MIGA1: variants seen among roughly 807,000 people sequenced by gnomAD.
The protein encoded by MIGA1 is family with sequence similarity 73, member A.
MIGA1 carries 58 observed loss-of-function variants against 82.0 expected under a neutral mutation model. The ratio of observed to expected loss-of-function variants is 0.71; its 90% CI spans 0.57 to 0.88. The LOEUF is 0.88. Ranked by LOEUF, MIGA1 falls within the 40% of genes least tolerant of loss-of-function variation. MIGA1 has a pLI of 0.00. For missense variants in MIGA1, 751 were observed against 749.1 expected, an observed-to-expected ratio of 1.00 and a Z score of -0.03; for synonymous variants, 249 against 253.6, an observed-to-expected ratio of 0.98 and a Z score of 0.17.
chr1:77,866,363 T>G lies in MIGA1; in HGVS notation c.1535T>G (p.Val512Gly). The change falls in exon 14 of 16, where the codon GTG becomes GGG. Residue 512 changes from valine to glycine, a missense_variant. Val to Gly is a moderately radical substitution (Grantham distance 109, BLOSUM62 -3). Transcript: ENST00000370791. ...GCTGTGGCTTCAAGTTGTTGGTCGG[T>G]GCTGAAACAGAAAAGACAACAGATG... The G allele has an allele frequency of 1.2e-6, 2 of 1,614,140 alleles. No individual in the cohort carries two copies. Among genetic ancestry groups the G allele is most frequent in the South Asian group, 2.2e-5 (2 of 91,080 alleles).
chr1:77,837,776 G>A (rs1461316198), intron 7 of MIGA1, among the ~76,000 whole-genome samples: 2 of 152,138 alleles, frequency 1.3e-5, no homozygotes, highest in South Asian at 2.1e-4. Flanking sequence ...AAATAGCAAA[G>A]TAAGGTTGCA....
chr1:77,870,958 C>T (rs1285300039), intron 14 of MIGA1, among the ~76,000 whole-genome samples: 1 of 150,252 alleles, frequency 6.7e-6, no homozygotes. Context: ...TGGCGGTGCG[C>T]GCCTGCAGTC....
At position 77,783,308 on chromosome 1, in the gene MIGA1, GAGTGTTTGATCTTCCTCTGAC is replaced by G; in HGVS notation, c.153_173del (p.Arg51_Thr58delinsSer). Reference sequence around the variant, plus strand: ...TTTTCCTTGAAGACAGCAGCGCTAAGAGTGTTTGATCTTCCTCTGACTTGGTACTATTCTCTCTCCCAGGTA... The same window carrying G: ...TTTTCCTTGAAGACAGCAGCGCTAAGTTGGTACTATTCTCTCTCCCAGGTA... On this transcript the variant is annotated inframe_deletion, in exon 2 of 16. Coordinates refer to ENST00000370791, the MANE Select transcript of MIGA1 (RefSeq NM_198549.4). 1 of 1,603,896 alleles carries G rather than the reference GAGTGTTTGATCTTCCTCTGAC, an allele frequency of 6.2e-7. No homozygotes were observed. The highest frequency in any genetic ancestry group is 8.5e-7 in the Non-Finnish European group (1 of 1,173,034).
rs752875500 is a variant in MIGA1, at chr1:77,779,723, G to T, written c.68G>T (p.Gly23Val). 5 of 1,573,512 alleles carry T rather than the reference G, an allele frequency of 3.2e-6. No homozygotes were observed. The highest frequency in any genetic ancestry group is 1.8e-5 in the Admixed American group (1 of 54,134). ...GGCGTGGGCAGGCCAGCTGTACCTG[G>T]CCTGGAGCTCCAGGTACAGGGCCAG... Residue 23 changes from glycine (G) to valine (V), a missense_variant, in exon 1 of 16, where the codon GGC becomes GTC. By Grantham distance (109) the Gly-to-Val change is moderately radical. Coordinates refer to ENST00000370791, the MANE Select transcript of MIGA1 (RefSeq NM_198549.4).
intron 15 of MIGA1, among the ~76,000 whole-genome samples, chr1:77,873,510 A>G (rs1253683376): frequency 1.3e-5 from 2 of 152,198 alleles, no homozygotes; most frequent in Admixed American, 6.5e-5. Flanking sequence ...TTTATTGCAC[A>G]TGTGGTAATA....
At chr1:77,827,743 C>CCTGGTTAATTGCATGCAG (rs1684087383) in intron 7 of MIGA1, among the ~76,000 whole-genome samples, 1 of 152,158 alleles carries the variant, frequency 6.6e-6, no homozygotes, top group Non-Finnish European at 1.5e-5. Flanking sequence ...TTTTCCTCTA[C>CCTGGTTAATTGCATGCAG]CTGGTTAATT....
In MIGA1 at chr1:77,875,172, G is replaced by A; in HGVS notation, c.*108G>A. ...AACAGAATTGATGCATGTGGATTCAGGGAGGAAAAAAAAATCTACTAAAAA... is the reference window on the plus strand; with the variant it reads ...AACAGAATTGATGCATGTGGATTCAAGGAGGAAAAAAAAATCTACTAAAAA... On this transcript the variant is annotated 3_prime_UTR_variant, in exon 16 of 16. Transcript: ENST00000370791. 3 of 869,674 alleles carry A rather than the reference G, an allele frequency of 3.4e-6. No individual in the cohort carries two copies. The highest frequency in any genetic ancestry group is 1.7e-5 in the African/African-American group (1 of 58,482). The allele number at this position is 869,674 out of a possible 1,614,324, so 53.9% of individuals were successfully genotyped here. A position where few individuals can be genotyped will look rare whatever the true frequency, so the allele number is the denominator to read the frequency against.
At position 77,873,131 on chromosome 1, in the gene MIGA1, T is replaced by G; in HGVS notation, c.1680+11T>G. On this transcript the variant is annotated intron_variant, in intron 15 of 15. Transcript: ENST00000370791. ...TGTTGCTTTTTTAAGGTATGTTCAG[T>G]CATTGAATCATTTCTCTTTTTTTTC... 6.2e-7 allele frequency: 1 copy of G among 1,600,288 alleles called. No homozygotes were observed. The highest frequency in any genetic ancestry group is 1.1e-5 in the South Asian group (1 of 88,628).
At chr1:77,850,914 G>A (rs1211784119) in intron 8 of MIGA1, among the ~76,000 whole-genome samples, 1 of 151,724 alleles carries the variant, frequency 6.6e-6, no homozygotes, top group Non-Finnish European at 1.5e-5. Context: ...TTGTCACCCA[G>A]GCTGGAGTGC....
Position 77,873,172 on chromosome 1 carries a change from A to G in MIGA1, c.1680+52A>G, listed in dbSNP as rs372045436. On this transcript the variant is annotated intron_variant, in intron 15 of 15. Transcript: ENST00000370791. Reference sequence around the variant, plus strand: ...CTTTTTTTTCTAAATCAAAAAGGAGATACGGTTTTATTCTGTTTTGTTTTG... The same window carrying G: ...CTTTTTTTTCTAAATCAAAAAGGAGGTACGGTTTTATTCTGTTTTGTTTTG... 10 of 1,527,964 alleles carry G rather than the reference A, an allele frequency of 6.5e-6. No individual in the cohort carries two copies. In the African/African-American group the frequency reaches 1.1e-4, roughly 17 times the overall value. 94.7% of individuals were successfully genotyped at this position (1,527,964 alleles called of 1,614,324 possible).
chr1:77,833,702 G>C (rs1249848603), intron 7 of MIGA1, among the ~76,000 whole-genome samples: 1 of 152,244 alleles, frequency 6.6e-6, no homozygotes, highest in Non-Finnish European at 1.5e-5. Context: ...TCCTGTGGCA[G>C]GGGACCTTTG....
chr1:77,849,907 C>T (rs955958181), intron 8 of MIGA1, among the ~76,000 whole-genome samples: 1 of 151,958 alleles, frequency 6.6e-6, no homozygotes, highest in African/African-American at 2.4e-5. Flanking sequence ...TGGTGGCACA[C>T]GCCTGTAATC....
chr1:77,779,682 C>T lies in MIGA1; in HGVS notation c.27C>T (p.Gly9=). 1.3e-6 allele frequency: 2 copies of T among 1,586,758 alleles called. No homozygotes were observed. Among genetic ancestry groups the T allele is most frequent in the Non-Finnish European group, 1.7e-6 (2 of 1,166,340 alleles). ...TGTCAGACTGCTGCTCAGCGCCAGG[C>T]ATCAGCTGGGAAGCTGGCGTGGGCA... Residue 9 remains glycine (G), a synonymous_variant, in exon 1 of 16, where the codon GGC becomes GGT. Transcript: ENST00000370791.
chr1:77,829,795 T>G (rs1175715093), intron 7 of MIGA1, among the ~76,000 whole-genome samples: 2 of 151,966 alleles, frequency 1.3e-5, no homozygotes, highest in Admixed American at 6.6e-5. Context: ...AAATGTATTT[T>G]ATTGTTTTGT....
intron 1 of MIGA1, chr1:77,783,023 T>A: frequency 3.3e-6 from 1 of 300,934 alleles, no homozygotes; most frequent in Non-Finnish European, 4.9e-6. Context: ...TTTTTTAACT[T>A]CTTATTTTTT....
At chr1:77,781,792 A>C (rs993000508) in intron 1 of MIGA1, among the ~76,000 whole-genome samples, 6 of 152,188 alleles carry the variant, frequency 3.9e-5, no homozygotes, top group African/African-American at 1.4e-4. Flanking sequence ...GGATTAAGGG[A>C]AGCATCAGTA....
chr1:77,838,785 TGTTTA>T (rs1192278040), intron 7 of MIGA1, among the ~76,000 whole-genome samples: 1 of 152,090 alleles, frequency 6.6e-6, no homozygotes, highest in Non-Finnish European at 1.5e-5. Flanking sequence ...TCACTAAGTG[TGTTTA>T]GTTTTGTCTG....
intron 5 of MIGA1, chr1:77,811,721 C>T (rs911008208): frequency 2.5e-5 from 40 of 1,611,534 alleles, no homozygotes; most frequent in East Asian, 2.0e-4. Flanking sequence ...GAGTCGAAGT[C>T]GGCGCCTCTC....
chr1:77,817,594 A>T (rs1429211764), intron 7 of MIGA1, among the ~76,000 whole-genome samples: 1 of 152,190 alleles, frequency 6.6e-6, no homozygotes, highest in African/African-American at 2.4e-5. Context: ...TTGTTTGGAT[A>T]TTGCAAGTTT....
Sources: gnomAD v4.1 joint callset for allele counts (sites outside exome capture counted in the v4.1 genomes callset) on GRCh38, gnomAD v4.1.1 for gene constraint, MANE v1.5 for transcripts, NCBI Gene and HGNC (gene_info 2026-07-23, HGNC 2026-07-21) for gene names.